Variants in PIBF1 observed in about 807,000 individuals in gnomAD.
PIBF1 encodes progesterone immunomodulatory binding factor 1.
PIBF1 carries 90 observed loss-of-function variants against 112.5 expected under a neutral mutation model. The ratio of observed to expected loss-of-function variants is 0.80; its 90% CI spans 0.67 to 0.95. PIBF1 has a LOEUF of 0.95. Ranked by LOEUF, PIBF1 falls within the 40% of genes least tolerant of loss-of-function variation. The pLI is 0.00. For missense variants in PIBF1, 915 were observed against 852.3 expected (o/e 1.07, Z -0.92); for synonymous variants, 301 against 288.6 (o/e 1.04, Z -0.44).
chr13:72,870,131 A>G (rs1223528242), intron 10 of PIBF1, among the ~76,000 whole-genome samples: 1 of 152,178 alleles, frequency 6.6e-6, no homozygotes, highest in Non-Finnish European at 1.5e-5. Context: ...TTACCATTTT[A>G]TAATAGAACC....
chr13:72,900,981 C>T, intron 11 of PIBF1: 2 of 365,832 alleles, frequency 5.5e-6, no homozygotes, highest in Non-Finnish European at 1.1e-5. Flanking sequence ...GAGATTGCGC[C>T]ATTCCGCTGC....
intron 10 of PIBF1, among the ~76,000 whole-genome samples, chr13:72,875,416 G>A (rs1257116871): frequency 6.6e-6 from 1 of 152,110 alleles, no homozygotes; most frequent in Admixed American, 6.6e-5. Context: ...GGGCAAATAT[G>A]CAAAGAGTGT....
chr13:72,907,310 T>A (rs1385086987), intron 11 of PIBF1, among the ~76,000 whole-genome samples: 1 of 152,112 alleles, frequency 6.6e-6, no homozygotes, highest in Non-Finnish European at 1.5e-5. Flanking sequence ...TCTCCCTTTT[T>A]CCACATCACA....
chr13:72,931,983 C>G (rs1222934796), intron 14 of PIBF1, among the ~76,000 whole-genome samples: 1 of 145,662 alleles, frequency 6.9e-6, no homozygotes, highest in Non-Finnish European at 1.5e-5. Context: ...GCTTTATCGC[C>G]CAGACTGGAG....
intron 11 of PIBF1, among the ~76,000 whole-genome samples, chr13:72,900,285 G>A (rs9530109): frequency 0.12 from 18,155 of 152,024 alleles, 1,448 homozygotes; most frequent in Non-Finnish European, 0.17. Flanking sequence ...AAAAGAACCC[G>A]CATAGCCAAA....
chr13:72,963,824 A>G (rs1042690926), intron 14 of PIBF1, among the ~76,000 whole-genome samples: 2 of 152,184 alleles, frequency 1.3e-5, no homozygotes, highest in Non-Finnish European at 2.9e-5. Context: ...CAGTATGCAC[A>G]TGAAATAATG....
At chr13:72,871,344 C>A (rs765786788) in intron 10 of PIBF1, among the ~76,000 whole-genome samples, 1 of 152,042 alleles carries the variant, frequency 6.6e-6, no homozygotes, top group African/African-American at 2.4e-5. Context: ...CTTGCTCTGT[C>A]GCCCAGGCTG....
chr13:72,844,409 A>G (rs866249196), intron 9 of PIBF1, among the ~76,000 whole-genome samples: 4 of 152,124 alleles, frequency 2.6e-5, no homozygotes, highest in African/African-American at 4.8e-5. Context: ...TTACATAGGT[A>G]TACACATGCC....
chr13:72,953,117 T>A (rs186056545), intron 14 of PIBF1, among the ~76,000 whole-genome samples: 1 of 152,162 alleles, frequency 6.6e-6, no homozygotes, highest in Non-Finnish European at 1.5e-5. Flanking sequence ...CAGCTCTCCT[T>A]CCAGGCCAAC....
chr13:72,837,112 G>A (rs2037396684), intron 9 of PIBF1, among the ~76,000 whole-genome samples: 1 of 151,856 alleles, frequency 6.6e-6, no homozygotes, highest in Admixed American at 6.6e-5. Flanking sequence ...TGATCATTCA[G>A]TACTATCTTA....
At chr13:72,937,058 C>T (rs888885904) in intron 14 of PIBF1, among the ~76,000 whole-genome samples, 4 of 152,092 alleles carry the variant, frequency 2.6e-5, no homozygotes, top group Admixed American at 1.3e-4. Flanking sequence ...AAAACATTAG[C>T]ATTAGCAAAG....
At chr13:72,856,047 A>T (rs1055857706) in intron 10 of PIBF1, among the ~76,000 whole-genome samples, 4 of 152,168 alleles carry the variant, frequency 2.6e-5, no homozygotes, top group African/African-American at 9.7e-5. Context: ...TATTTATCGT[A>T]AGCTACACTC....
chr13:72,840,900 A>G lies in PIBF1; in HGVS notation c.1223+5532A>G, dbSNP rs191415701. Among the ~76,000 whole-genome samples the G allele has an allele frequency of 4.6e-5, 7 of 152,326 alleles. 1 individual carries two copies. Among genetic ancestry groups the G allele is most frequent in the East Asian group, 1.9e-4 (1 of 5,192 alleles). On this transcript the variant is annotated intron_variant, in intron 9 of 17. Transcript: ENST00000326291. Reference sequence around the variant, plus strand: ...TTTGCCTTTAATTTGTTGTCTATACATTGGAGGATATTAAAAGGATACTTT... The same window carrying G: ...TTTGCCTTTAATTTGTTGTCTATACGTTGGAGGATATTAAAAGGATACTTT...
intron 11 of PIBF1, among the ~76,000 whole-genome samples, chr13:72,898,267 A>G (rs1307246847): frequency 6.6e-6 from 1 of 152,128 alleles, no homozygotes; most frequent in Non-Finnish European, 1.5e-5. Context: ...GAACTGAATG[A>G]CAGTAATGAC....
chr13:72,966,583 T>C (rs1363380801), intron 15 of PIBF1, among the ~76,000 whole-genome samples: 1 of 152,194 alleles, frequency 6.6e-6, no homozygotes, highest in Non-Finnish European at 1.5e-5. Flanking sequence ...AATAGAATTT[T>C]TTCCTCCTAT....
At chr13:72,933,171 C>T (rs910916275) in intron 14 of PIBF1, among the ~76,000 whole-genome samples, 2 of 152,158 alleles carry the variant, frequency 1.3e-5, no homozygotes, top group Non-Finnish European at 2.9e-5. Flanking sequence ...CAGTAATTTT[C>T]AAAAATATTT....
chr13:72,818,481 A>G (rs2036394340), intron 5 of PIBF1, among the ~76,000 whole-genome samples: 1 of 152,110 alleles, frequency 6.6e-6, no homozygotes, highest in Admixed American at 6.6e-5. Context: ...GTTCCTTGCC[A>G]TCCAGAACTG....
chr13:72,948,542 T>C (rs2042210209), intron 14 of PIBF1, among the ~76,000 whole-genome samples: 1 of 152,240 alleles, frequency 6.6e-6, no homozygotes, highest in South Asian at 2.1e-4. Flanking sequence ...AATCTCTGCC[T>C]GTTACTCGGT....
intron 10 of PIBF1, among the ~76,000 whole-genome samples, chr13:72,892,169 A>G (rs1038228797): frequency 9.2e-5 from 14 of 152,170 alleles, no homozygotes; most frequent in Admixed American, 8.5e-4. Context: ...ATTTTATGGT[A>G]TATGAATTAT....
Sources: gnomAD v4.1 joint callset for allele counts (sites outside exome capture counted in the v4.1 genomes callset) on GRCh38, gnomAD v4.1.1 for gene constraint, MANE v1.5 for transcripts, NCBI Gene and HGNC (gene_info 2026-07-23, HGNC 2026-07-21) for gene names.